SLC24A2: variants seen among roughly 807,000 people sequenced by gnomAD.
SLC24A2 encodes sodium/potassium/calcium exchanger 2.
A neutral mutation model predicts 62.0 loss-of-function variants in SLC24A2; 36 were observed. The ratio of observed to expected loss-of-function variants is 0.58; its 90% CI spans 0.44 to 0.77. SLC24A2 has a LOEUF of 0.77. SLC24A2 is among the 30% of genes least tolerant of loss of function. The pLI, the probability that SLC24A2 is intolerant of heterozygous loss-of-function variation, is 0.00. For missense variants in SLC24A2, 846 were observed against 817.9 expected (o/e 1.03, Z -0.42); for synonymous variants, 358 against 294.0 (o/e 1.22, Z -2.23).
At chr9:20,036,008 G>A in the SLC24A2 span, among the ~76,000 whole-genome samples, 1 of 152,160 alleles carries the variant, frequency 6.6e-6, no homozygotes, top group African/African-American at 2.4e-5. Context: ...TGATTTATAA[G>A]ATAATTGGAA....
the SLC24A2 span, among the ~76,000 whole-genome samples, chr9:20,033,888 C>G: frequency 6.6e-6 from 1 of 152,188 alleles, no homozygotes. Flanking sequence ...AATAGCCACC[C>G]TTTTACTCCT....
the SLC24A2 span, among the ~76,000 whole-genome samples, chr9:20,025,647 T>C: frequency 2.6e-5 from 4 of 152,102 alleles, no homozygotes; most frequent in Non-Finnish European, 5.9e-5. Context: ...CTAATTCCAG[T>C]TCTTAAAAAG....
chr9:19,960,610 G>A, the SLC24A2 span, among the ~76,000 whole-genome samples: 2 of 152,196 alleles, frequency 1.3e-5, no homozygotes, highest in Admixed American at 6.5e-5. Context: ...GCTGAGAAGA[G>A]TGAGCGACAA....
the SLC24A2 span, among the ~76,000 whole-genome samples, chr9:20,111,715 G>C: frequency 2.6e-5 from 4 of 152,070 alleles, no homozygotes; most frequent in African/African-American, 9.7e-5. Flanking sequence ...AAAAGCACTG[G>C]TTTAACACAT....
intron 9 of SLC24A2, among the ~76,000 whole-genome samples, chr9:19,526,388 A>G (rs1833448442): frequency 6.6e-6 from 1 of 152,174 alleles, no homozygotes; most frequent in African/African-American, 2.4e-5. Context: ...GCTAGATCAT[A>G]TGGTAACTCT....
the SLC24A2 span, among the ~76,000 whole-genome samples, chr9:19,988,965 C>A: frequency 2.0e-5 from 3 of 152,144 alleles, no homozygotes; most frequent in Non-Finnish European, 4.4e-5. Flanking sequence ...AGGAAGCTAA[C>A]TTTCTTAAGT....
At chr9:20,249,624 G>C in the SLC24A2 span, among the ~76,000 whole-genome samples, 4 of 145,464 alleles carry the variant, frequency 2.7e-5, no homozygotes, top group Non-Finnish European at 4.4e-5. Flanking sequence ...AGAATTGCTT[G>C]AACCCAGGAG....
chr9:19,923,061 T>C, the SLC24A2 span, among the ~76,000 whole-genome samples: 1 of 151,464 alleles, frequency 6.6e-6, no homozygotes, highest in Non-Finnish European at 1.5e-5. Flanking sequence ...TTAAAAGAAA[T>C]AAAGACATTT....
chr9:20,288,412 C>T, the SLC24A2 span, among the ~76,000 whole-genome samples: 6 of 149,238 alleles, frequency 4.0e-5, no homozygotes, highest in East Asian at 2.1e-4. Context: ...GAGTGCATGC[C>T]GGGGGTGCGG....
the SLC24A2 span, among the ~76,000 whole-genome samples, chr9:20,045,255 T>C: frequency 0.73 from 110,197 of 151,952 alleles, 41,773 homozygotes; most frequent in East Asian, 0.95. Context: ...AATGATCGCA[T>C]TAATAAACAC....
intron 2 of SLC24A2, among the ~76,000 whole-genome samples, chr9:19,742,066 G>T (rs980875958): frequency 1.3e-5 from 2 of 152,130 alleles, no homozygotes; most frequent in African/African-American, 4.8e-5. Context: ...TCTCCATTGT[G>T]AATGAAACTG....
At chr9:19,833,875 A>G in the SLC24A2 span, among the ~76,000 whole-genome samples, 2 of 152,212 alleles carry the variant, frequency 1.3e-5, no homozygotes, top group African/African-American at 4.8e-5. Context: ...CTCTGAGACA[A>G]AACTTCCAGA....
At chr9:19,976,241 G>T in the SLC24A2 span, among the ~76,000 whole-genome samples, 1 of 152,160 alleles carries the variant, frequency 6.6e-6, no homozygotes, top group Non-Finnish European at 1.5e-5. Context: ...ATTGTATTAG[G>T]TATTGATATG....
chr9:20,196,839 A>C, the SLC24A2 span, among the ~76,000 whole-genome samples: 1 of 152,216 alleles, frequency 6.6e-6, no homozygotes, highest in Non-Finnish European at 1.5e-5. Context: ...TCCCCTCCTA[A>C]AAACAACACT....
intron 2 of SLC24A2, among the ~76,000 whole-genome samples, chr9:19,643,086 T>C (rs1161015491): frequency 6.6e-6 from 1 of 151,914 alleles, no homozygotes; most frequent in Non-Finnish European, 1.5e-5. Context: ...AACCAGTAAA[T>C]TTTAATTTAG....
the SLC24A2 span, among the ~76,000 whole-genome samples, chr9:20,125,753 G>A: frequency 6.6e-5 from 10 of 152,148 alleles, no homozygotes; most frequent in African/African-American, 2.4e-4. Flanking sequence ...TTCTGACTGT[G>A]GAAATTGGCA....
chr9:19,779,946 C>A (rs1822961942), intron 2 of SLC24A2, among the ~76,000 whole-genome samples: 1 of 151,974 alleles, frequency 6.6e-6, no homozygotes, highest in South Asian at 2.1e-4. Flanking sequence ...GCCTGTAGTG[C>A]CGCTACTTGG....
At chr9:19,976,343 G>A in the SLC24A2 span, among the ~76,000 whole-genome samples, 1 of 152,208 alleles carries the variant, frequency 6.6e-6, no homozygotes, top group Non-Finnish European at 1.5e-5. Context: ...TGAATCATGG[G>A]GGCAGACATG....
At chr9:19,518,568 C>T in intron 10 of SLC24A2, among the ~76,000 whole-genome samples, 1 of 151,806 alleles carries the variant, frequency 6.6e-6, no homozygotes, top group East Asian at 1.9e-4. Context: ...ACTGCAGGCG[C>T]ACGCCACCAT....
Sources: gnomAD v4.1 joint callset for allele counts (sites outside exome capture counted in the v4.1 genomes callset) on GRCh38, gnomAD v4.1.1 for gene constraint, MANE v1.5 for transcripts, NCBI Gene and HGNC (gene_info 2026-07-23, HGNC 2026-07-21) for gene names.